Variants in CDK2 observed in about 807,000 individuals in gnomAD.
CDK2 encodes the protein cyclin-dependent kinase 2.
A neutral mutation model predicts 35.0 loss-of-function variants in CDK2; 8 were observed. That is an observed-to-expected ratio of 0.23 (90% CI 0.13 to 0.41). The LOEUF is 0.41. CDK2 is among the 10% of genes least tolerant of loss of function. The probability of loss-of-function intolerance (pLI) is 1.00; values close to 1 mark genes in which losing one functional copy is unlikely to be tolerated. For missense variants in CDK2, 201 were observed against 367.1 expected (o/e 0.55, Z 3.70); for synonymous variants, 134 against 137.7 (o/e 0.97, Z 0.19).
chr12:55,967,228 G>A (rs1889346172), intron 1 of CDK2, 104 bp downstream of exon 1: 1 of 802,882 alleles, frequency 1.2e-6, no homozygotes, highest in South Asian at 1.5e-5. Flanking sequence ...AGAGAGCAGG[G>A]AGGGACTTCT....
Position 55,971,213 on chromosome 12 carries a change from C to G in CDK2, c.758C>G (p.Pro253Arg). The G allele has an allele frequency of 6.2e-7, 1 of 1,614,124 alleles. No individual in the cohort carries two copies. The highest frequency in any genetic ancestry group is 8.5e-7 in the Non-Finnish European group (1 of 1,180,010). ...WARQDFSKVV[P>R]PLDEDGRSLL... ...CGGCAAGATTTTAGTAAAGTTGTAC[C>G]TCCCCTGGATGAAGATGGACGGAGC... Residue 253 changes from proline to arginine, a missense_variant, in exon 6 of 7, where the codon CCT (proline) becomes CGT (arginine). Pro to Arg is a moderately radical substitution (Grantham distance 103, BLOSUM62 -2). This residue lies in a region of CDK2 where 106 missense variants were observed against 141.3 expected (regional missense o/e 0.75). Coordinates refer to ENST00000266970, the MANE Select transcript of CDK2 (RefSeq NM_001798.5).
Position 55,968,761 on chromosome 12 carries a change from T to C in CDK2, c.316-17T>C, listed in dbSNP as rs1348645299. Reference sequence around the variant, plus strand: ...ACTGTAATGGAGAAACACAGTCCTCTCTTTCTCCTTTGTCAGAGCTATCTG... The same window carrying C: ...ACTGTAATGGAGAAACACAGTCCTCCCTTTCTCCTTTGTCAGAGCTATCTG... On this transcript the variant is annotated splice_polypyrimidine_tract_variant and intron_variant, in intron 3 of 6. Coordinates refer to ENST00000266970, the MANE Select transcript of CDK2 (RefSeq NM_001798.5). 1 of 1,574,882 alleles carries C rather than the reference T, an allele frequency of 6.3e-7. No homozygotes were observed. The highest frequency in any genetic ancestry group is 8.6e-7 in the Non-Finnish European group (1 of 1,163,202).
rs1370429116 is a variant in CDK2, at chr12:55,971,706, G to A, written c.*81G>A. On this transcript the variant is annotated 3_prime_UTR_variant, in exon 7 of 7. Transcript: ENST00000266970. Reference sequence around the variant, plus strand: ...ACCAGGCTTGGCCTTGGGCTATTTGGACTCAGGTGGGCCCTCTGAACTTGC... The same window carrying A: ...ACCAGGCTTGGCCTTGGGCTATTTGAACTCAGGTGGGCCCTCTGAACTTGC... The A allele has an allele frequency of 3.9e-6, 4 of 1,016,136 alleles. No individual in the cohort carries two copies. Among genetic ancestry groups the A allele is most frequent in the African/African-American group, 1.6e-5 (1 of 62,710 alleles). 62.9% of individuals were successfully genotyped at this position (1,016,136 alleles called of 1,614,324 possible).
Position 55,971,787 on chromosome 12 carries a change from AG to A in CDK2, c.*168del. ...CCAACTCTGGGAATACAGGGGTGAAAGGGGGGAACCAGTGAAAATGAAAGGA... is the reference window on the plus strand; with the variant it reads ...CCAACTCTGGGAATACAGGGGTGAAAGGGGGAACCAGTGAAAATGAAAGGA... On this transcript the variant is annotated 3_prime_UTR_variant, in exon 7 of 7. Transcript: ENST00000266970. 1.7e-6 allele frequency: 1 copy of A among 590,792 alleles called. No homozygotes were observed. Among genetic ancestry groups the A allele is most frequent in the Non-Finnish European group, 3.0e-6 (1 of 331,328 alleles). The allele number at this position is 590,792 out of a possible 1,614,324, so 36.6% of individuals were successfully genotyped here.
At position 55,967,087 on chromosome 12, in the gene CDK2, G is replaced by A; in HGVS notation, c.79G>A (p.Gly27Arg). 6.2e-7 allele frequency: 1 copy of A among 1,613,950 alleles called. No individual in the cohort carries two copies. The highest frequency in any genetic ancestry group is 1.1e-5 in the South Asian group (1 of 91,016). The change falls in exon 1 of 7, where the codon GGA becomes AGA. Residue 27 changes from glycine (G) to arginine (R), a missense_variant. Around this residue, in one of 5 missense-constraint regions of CDK2, gnomAD observed 37 missense variants for 108.4 expected, o/e 0.34. Transcript: ENST00000266970. ...VVYKARNKLT[G>R]EVVALKKIRL... ...GTACAAAGCCAGAAACAAGTTGACG[G>A]GAGAGGTGGTGGCGCTTAAGAAAAT...
In CDK2 at chr12:55,968,855, G is replaced by C. The variant is rs1376835718; in HGVS notation, c.393G>C (p.Gln131His). ...TCCTCCACCGAGACCTTAAACCTCA[G>C]AATCTGCTTATTAACACAGAGGGGG... ...HRVLHRDLKP[Q>H]NLLINTEGAI... The change falls in exon 4 of 7, where the codon CAG becomes CAC. Residue 131 changes from glutamine to histidine, a missense_variant. This residue lies in a region of CDK2 where 47 missense variants were observed against 59.5 expected (regional missense o/e 0.79). Coordinates refer to ENST00000266970, the MANE Select transcript of CDK2 (RefSeq NM_001798.5). 6.2e-7 allele frequency: 1 copy of C among 1,613,104 alleles called. No homozygotes were observed. Among genetic ancestry groups the C allele is most frequent in the Admixed American group, 1.7e-5 (1 of 59,838 alleles).
At chr12:55,971,315 G>C in intron 6 of CDK2, 68 bp downstream of exon 6, 1 of 1,473,138 alleles carries the variant, frequency 6.8e-7, no homozygotes. Context: ...GATGAAGGAA[G>C]GATGAGACCC....
Position 55,970,871 on chromosome 12 carries a change from A to T in CDK2, c.589-173A>T, listed in dbSNP as rs2136460943. 4.1e-6 allele frequency: 3 copies of T among 724,646 alleles called. No homozygotes were observed. The South Asian group carries it at 4.3e-5, about 10-fold the overall frequency. The allele number at this position is 724,646 out of a possible 1,614,324, so 44.9% of individuals were successfully genotyped here. A position where few individuals can be genotyped will look rare whatever the true frequency, so the allele number is the denominator to read the frequency against. ...AAGGAAGGAGGGGGCGAGGAGACAG[A>T]TGAAGGAACTTCATTGTCTCAGGTT... On this transcript the variant is annotated intron_variant, in intron 5 of 6. Transcript: ENST00000266970.
At chr12:55,967,222 A>T in intron 1 of CDK2, 98 bp downstream of exon 1, 1 of 849,002 alleles carries the variant, frequency 1.2e-6, no homozygotes, top group Non-Finnish European at 1.9e-6. Context: ...ACCGGAAGAG[A>T]GCAGGGAGGG....
intron 1 of CDK2, 66 bp downstream of exon 1, chr12:55,967,190 ACG>A: frequency 8.2e-7 from 1 of 1,221,212 alleles, no homozygotes; most frequent in Non-Finnish European, 1.2e-6. Context: ...CCAACCCCCC[ACG>A]GGCGGGTAGC....
chr12:55,966,875 G>T lies in CDK2; in HGVS notation c.-134G>T. 1 of 878,134 alleles carries T rather than the reference G, an allele frequency of 1.1e-6. No individual in the cohort carries two copies. Among genetic ancestry groups the T allele is most frequent in the Non-Finnish European group, 1.7e-6 (1 of 576,628 alleles). The allele number at this position is 878,134 out of a possible 1,614,324, so 54.4% of individuals were successfully genotyped here. On this transcript the variant is annotated 5_prime_UTR_variant, in exon 1 of 7. Coordinates refer to ENST00000266970, the MANE Select transcript of CDK2 (RefSeq NM_001798.5). ...TTGACAAGAGCGAGAGGTATACTGCGTTCCATCCCGACCCGGGGCCACGGT... is the reference window on the plus strand; with the variant it reads ...TTGACAAGAGCGAGAGGTATACTGCTTTCCATCCCGACCCGGGGCCACGGT...
chr12:55,970,943 C>A (rs749184717), intron 5 of CDK2, 101 bp from the exon 6 acceptor site: 2 of 976,522 alleles, frequency 2.0e-6, no homozygotes, highest in South Asian at 1.3e-5. Flanking sequence ...AGTCATGGGG[C>A]CCTGCTGACC....
intron 5 of CDK2, 84 bp from the exon 6 acceptor site, chr12:55,970,959 CT>C: frequency 8.5e-7 from 1 of 1,180,782 alleles, no homozygotes; most frequent in Non-Finnish European, 1.3e-6. Flanking sequence ...TGACCTTTTA[CT>C]GTCTGTGGGA....
chr12:55,967,494 GC>G, intron 1 of CDK2: 1 of 428,146 alleles, frequency 2.3e-6, no homozygotes, highest in Non-Finnish European at 4.3e-6. Context: ...CCTCTTCACT[GC>G]CCCACCCTCA....
intron 5 of CDK2, chr12:55,970,632 G>A (rs1408898908): frequency 1.4e-6 from 1 of 702,382 alleles, no homozygotes; most frequent in South Asian, 1.5e-5. Context: ...GCTAGGTGCT[G>A]TGGGGAACAC....
chr12:55,972,435 G>A lies in CDK2; in HGVS notation c.*810G>A, dbSNP rs1020334452. 6 of 152,134 alleles carry A rather than the reference G, an allele frequency of 3.9e-5. No individual in the cohort carries two copies. Among genetic ancestry groups the A allele is most frequent in the African/African-American group, 1.4e-4 (6 of 41,426 alleles). 9.4% of individuals were successfully genotyped at this position (152,134 alleles called of 1,614,324 possible). ...TCTGACGTCCACCTCCTACCCCATA[G>A]GAGTTAGAAGTTAGGGTTTAGGCAT... On this transcript the variant is annotated 3_prime_UTR_variant, in exon 7 of 7. Coordinates refer to ENST00000266970, the MANE Select transcript of CDK2 (RefSeq NM_001798.5).
At chr12:55,970,618 C>T (rs1223841595) in intron 5 of CDK2, 2 of 702,338 alleles carry the variant, frequency 2.8e-6, no homozygotes, top group South Asian at 3.0e-5. Flanking sequence ...GTACCCAGCA[C>T]CATGCTAGGT....
chr12:55,970,760 C>G (rs3213124), intron 5 of CDK2: 24 of 700,340 alleles, frequency 3.4e-5, no homozygotes, highest in Non-Finnish European at 5.2e-5. Flanking sequence ...CTTGGGATAC[C>G]TTTGCTACAT....
In CDK2 at chr12:55,966,996, T is replaced by C. The variant is rs1171451060; in HGVS notation, c.-13T>C. The stretch of plus-strand genomic sequence containing the variant: ...CGCTCCAGGGCCGGGCTGACCCGAC[T>C]CGCTGGCGCTTCATGGAGAACTTCC... On this transcript the variant is annotated 5_prime_UTR_variant, in exon 1 of 7. Transcript: ENST00000266970. 7 of 1,601,854 alleles carry C rather than the reference T, an allele frequency of 4.4e-6. No individual in the cohort carries two copies. Among genetic ancestry groups the C allele is most frequent in the Non-Finnish European group, 6.0e-6 (7 of 1,172,518 alleles).
Sources: allele counts gnomAD v4.1 joint callset, GRCh38; gene constraint gnomAD v4.1.1; regional missense constraint gnomAD v4.1.1; transcripts MANE v1.5; gene names NCBI Gene and HGNC (gene_info 2026-07-23, HGNC 2026-07-21).